The following SYT1 variants were observed in gnomAD, a reference collection of about 807,000 sequenced individuals.
SYT1 encodes the protein synaptotagmin-1.
SYT1 carries 8 observed loss-of-function variants against 44.8 expected under a neutral mutation model. The observed-to-expected ratio is 0.18, with a 90% CI of 0.10 to 0.32. The LOEUF (loss-of-function observed/expected upper bound fraction) is 0.32, where lower values mean the gene tolerates loss of function less well. Among genes scored for constraint, SYT1 ranks in the 10% least tolerant of loss-of-function variants. The probability of loss-of-function intolerance (pLI) is 1.00; values close to 1 mark genes in which losing one functional copy is unlikely to be tolerated. For missense variants in SYT1, 286 were observed against 509.3 expected (o/e 0.56, Z 4.22); for synonymous variants, 154 against 188.8 (o/e 0.82, Z 1.51).
chr12:79,226,353 GA>G (rs1445129650), intron 4 of SYT1, among the ~76,000 whole-genome samples: 1 of 152,010 alleles, frequency 6.6e-6, no homozygotes. Context: ...CAATCAGCTG[GA>G]AAAAAATTAT....
chr12:79,301,112 G>A (rs1880130177), intron 8 of SYT1, among the ~76,000 whole-genome samples: 1 of 151,830 alleles, frequency 6.6e-6, no homozygotes, highest in South Asian at 2.1e-4. Flanking sequence ...AATTTTTTGG[G>A]TGATAAAGTA....
chr12:78,916,846 G>A (rs1876683670), intron 1 of SYT1, among the ~76,000 whole-genome samples: 1 of 151,864 alleles, frequency 6.6e-6, no homozygotes, highest in African/African-American at 2.4e-5. Context: ...GATTTCCTAT[G>A]TACCCCCATT....
intron 3 of SYT1, among the ~76,000 whole-genome samples, chr12:79,108,850 A>C (rs17046398): frequency 0.024 from 3,695 of 152,284 alleles, 118 homozygotes; most frequent in South Asian, 0.11. Flanking sequence ...TTCATGCCTA[A>C]CATTTTAGTC....
chr12:79,178,005 A>G (rs539951410), intron 3 of SYT1, among the ~76,000 whole-genome samples: 103 of 149,986 alleles, frequency 6.9e-4, no homozygotes, highest in Non-Finnish European at 1.1e-3. Context: ...TTGCCTGTTC[A>G]CTCTGATGGT....
At chr12:79,443,771 T>C (rs201496937) in intron 9 of SYT1, among the ~76,000 whole-genome samples, 2 of 152,180 alleles carry the variant, frequency 1.3e-5, no homozygotes, top group East Asian at 3.8e-4. Flanking sequence ...GGTTGGGGTA[T>C]ATATATACCA....
intron 9 of SYT1, among the ~76,000 whole-genome samples, chr12:79,431,270 C>T (rs989991945): frequency 2.0e-5 from 3 of 152,084 alleles, no homozygotes; most frequent in Non-Finnish European, 4.4e-5. Context: ...ACTAATACCC[C>T]CACTCTCACT....
chr12:79,125,854 C>T (rs918387109), intron 3 of SYT1, among the ~76,000 whole-genome samples: 3 of 152,144 alleles, frequency 2.0e-5, no homozygotes, highest in Non-Finnish European at 4.4e-5. Flanking sequence ...GAAGACTTTC[C>T]TAACCTCTGC....
At chr12:79,163,366 G>A (rs1265505682) in intron 3 of SYT1, among the ~76,000 whole-genome samples, 1 of 152,000 alleles carries the variant, frequency 6.6e-6, no homozygotes, top group Non-Finnish European at 1.5e-5. Context: ...CTGGCTCATG[G>A]GGGCCTTGCA....
chr12:79,179,386 C>CCATATA (rs1565842032), intron 3 of SYT1, among the ~76,000 whole-genome samples: 636 of 59,394 alleles, frequency 0.011, 192 homozygotes, highest in African/African-American at 0.031. Flanking sequence ...ATAGATATAT[C>CCATATA]GATATAGATA....
At chr12:79,130,546 C>T (rs528534514) in intron 3 of SYT1, among the ~76,000 whole-genome samples, 1 of 152,246 alleles carries the variant, frequency 6.6e-6, no homozygotes, top group Admixed American at 6.5e-5. Flanking sequence ...GCTTTGGAAG[C>T]TAGAAATTTG....
intron 3 of SYT1, among the ~76,000 whole-genome samples, chr12:79,098,628 G>A (rs1470741305): frequency 6.6e-6 from 1 of 152,130 alleles, no homozygotes; most frequent in Non-Finnish European, 1.5e-5. Flanking sequence ...AACATTTAAT[G>A]TTCTGGTTAG....
intron 8 of SYT1, among the ~76,000 whole-genome samples, chr12:79,324,510 T>C (rs1753321529): frequency 6.6e-6 from 1 of 152,224 alleles, no homozygotes; most frequent in South Asian, 2.1e-4. Context: ...TAGATCCATC[T>C]GGTAAGATTC....
chr12:79,244,931 G>T (rs938001586), intron 4 of SYT1, among the ~76,000 whole-genome samples: 5 of 151,990 alleles, frequency 3.3e-5, no homozygotes, highest in Non-Finnish European at 5.9e-5. Context: ...AACTTCATCT[G>T]ATGAAGTAGG....
chr12:78,893,046 C>T (rs1339421145), intron 1 of SYT1, among the ~76,000 whole-genome samples: 1 of 151,756 alleles, frequency 6.6e-6, no homozygotes, highest in East Asian at 1.9e-4. Context: ...AAATATTTAC[C>T]AATCTCCACT....
At chr12:79,216,256 G>A (rs1011864018) in intron 3 of SYT1, among the ~76,000 whole-genome samples, 2 of 151,966 alleles carry the variant, frequency 1.3e-5, no homozygotes, top group African/African-American at 4.8e-5. Context: ...AAAAAATCTT[G>A]TTTGCTGGTT....
chr12:78,984,062 T>C (rs1228826412), intron 2 of SYT1, among the ~76,000 whole-genome samples: 1 of 151,930 alleles, frequency 6.6e-6, no homozygotes. Flanking sequence ...AGAATATATA[T>C]TGTATCAAGT....
At chr12:79,185,871 T>G (rs1318363544) in intron 3 of SYT1, among the ~76,000 whole-genome samples, 3 of 72,724 alleles carry the variant, frequency 4.1e-5, no homozygotes, top group Non-Finnish European at 8.7e-5. Context: ...CTCCATTTTT[T>G]AAATCTTCAA....
chr12:79,412,549 C>T (rs907368509), intron 9 of SYT1, among the ~76,000 whole-genome samples: 4 of 152,088 alleles, frequency 2.6e-5, no homozygotes, highest in African/African-American at 9.7e-5. Flanking sequence ...GGTTGCCTGA[C>T]ATTCCTGGGT....
intron 4 of SYT1, among the ~76,000 whole-genome samples, chr12:79,223,022 T>C: frequency 6.6e-6 from 1 of 152,356 alleles, no homozygotes. Context: ...TGGTCTCATA[T>C]TATTTTCTCA....
Sources: allele counts gnomAD v4.1 joint callset (sites outside exome capture counted in the v4.1 genomes callset), GRCh38; gene constraint gnomAD v4.1.1; transcripts MANE v1.5; gene names NCBI Gene and HGNC (gene_info 2026-07-23, HGNC 2026-07-21).